The following RMDN2 variants were observed in gnomAD, a reference collection of about 807,000 sequenced individuals.
The protein encoded by RMDN2 is regulator of microtubule dynamics protein 2.
In RMDN2, 61 loss-of-function variants were observed where a neutral mutation model predicts 52.8. The ratio of observed to expected loss-of-function variants is 1.16; its 90% confidence interval spans 0.94 to 1.43. The LOEUF (loss-of-function observed/expected upper bound fraction) is 1.43, where lower values mean the gene tolerates loss of function less well. Ranked by LOEUF, RMDN2 falls within the 40% of genes most tolerant of loss-of-function variation. The pLI is 0.00. For missense variants in RMDN2, 592 were observed against 475.3 expected (o/e 1.25, Z -2.28); for synonymous variants, 180 against 153.1 (o/e 1.18, Z -1.30).
intron 2 of RMDN2, among the ~76,000 whole-genome samples, chr2:37,941,879 A>G (rs1052064052): frequency 4.0e-5 from 6 of 151,164 alleles, no homozygotes; most frequent in Admixed American, 3.3e-4. Context: ...CCCTGGCTTC[A>G]GCCCCCTTTC....
At chr2:37,938,991 G>T (rs556467248) in intron 2 of RMDN2, among the ~76,000 whole-genome samples, 2 of 152,118 alleles carry the variant, frequency 1.3e-5, no homozygotes, top group African/African-American at 2.4e-5. Flanking sequence ...TGGTGTTAGG[G>T]TGTCAATTTT....
chr2:37,927,066 T>C (rs1666340699), intron 1 of RMDN2, among the ~76,000 whole-genome samples: 1 of 152,264 alleles, frequency 6.6e-6, no homozygotes. Flanking sequence ...CACATTTGTT[T>C]TATGCTGTTA....
At chr2:38,061,435 C>G (rs7578953) in intron 10 of RMDN2, among the ~76,000 whole-genome samples, 13,519 of 152,070 alleles carry the variant, frequency 0.089, 764 homozygotes, top group African/African-American at 0.16. Flanking sequence ...GATTTTGTGA[C>G]CATAAAAATC....
chr2:37,981,230 ACCT>A (rs1004265001), intron 4 of RMDN2, 50 bp from the exon 5 acceptor site: 12 of 1,073,184 alleles, frequency 1.1e-5, no homozygotes, highest in Middle Eastern at 2.0e-4. Context: ...TCAATAATCC[ACCT>A]CCTACCAACT....
chr2:37,997,449 G>T lies in RMDN2; in HGVS notation c.979G>T (p.Ala327Ser), dbSNP rs1274858332. Residue 327 changes from alanine (A) to serine (S), a missense_variant, in exon 8 of 11, where the codon GCT becomes TCT. By Grantham distance (99) the Ala-to-Ser change is moderately conservative (BLOSUM62 1). Transcript: ENST00000354545. ...ACTGAGCTGGATTGAGAAAAAAATG[G>T]CTGCTACTCTGTTTGGAAAAATACC... The part of the protein sequence containing the change: ...SKLSWIEKKM[A>S]ATLFGKIPSS... 11 of 1,613,676 alleles carry T rather than the reference G, an allele frequency of 6.8e-6. No individual in the cohort carries two copies. In the South Asian group the frequency reaches 1.2e-4, roughly 18 times the overall value.
downstream of RMDN2, among the ~76,000 whole-genome samples, chr2:38,021,011 A>G (rs1679325499): frequency 6.6e-6 from 1 of 152,112 alleles, no homozygotes; most frequent in Non-Finnish European, 1.5e-5. Context: ...ATGTCTAGCT[A>G]AGGGATTGTA....
intron 10 of RMDN2, among the ~76,000 whole-genome samples, chr2:38,044,736 CT>C (rs1681168071): frequency 6.6e-6 from 1 of 151,964 alleles, no homozygotes; most frequent in Non-Finnish European, 1.5e-5. Flanking sequence ...CTGGCACTTC[CT>C]TTTGATTCTT....
chr2:37,949,769 G>A (rs963950987), intron 2 of RMDN2: 2 of 152,014 alleles, frequency 1.3e-5, no homozygotes, highest in African/African-American at 4.8e-5. Context: ...GTATTTGAGG[G>A]GGTGTTTCAT....
At chr2:37,982,759 C>G (rs962226855) in intron 5 of RMDN2, among the ~76,000 whole-genome samples, 1 of 152,012 alleles carries the variant, frequency 6.6e-6, no homozygotes, top group Non-Finnish European at 1.5e-5. Context: ...AGATCATTTC[C>G]CTAGAACAGA....
In RMDN2 at chr2:37,939,748, A is replaced by G. The variant is rs554988129; in HGVS notation, c.452+10019A>G. The stretch of plus-strand genomic sequence containing the variant: ...TAGCTTTCCATTTGCTTTGTAAATC[A>G]TCTTCCATCCCTTTATTTTGTGCAT... On this transcript the variant is annotated intron_variant, in intron 2 of 10. Coordinates refer to ENST00000354545, the MANE Select transcript of RMDN2 (RefSeq NM_001170791.3). Among the ~76,000 whole-genome samples the G allele has an allele frequency of 3.3e-5, 5 of 152,244 alleles. No homozygotes were observed. In the East Asian group the frequency reaches 9.7e-4, roughly 29 times the overall value.
chr2:38,020,579 G>T (rs983448235), downstream of RMDN2, among the ~76,000 whole-genome samples: 3 of 152,230 alleles, frequency 2.0e-5, no homozygotes, highest in Non-Finnish European at 4.4e-5. Flanking sequence ...CCGGGTGGGC[G>T]TGGGCTTGGC....
At chr2:37,992,637 A>G (rs972866600) in intron 7 of RMDN2, among the ~76,000 whole-genome samples, 1 of 152,318 alleles carries the variant, frequency 6.6e-6, no homozygotes, top group East Asian at 1.9e-4. Context: ...AGTTTTTTGC[A>G]CTTAAAATAA....
In RMDN2 at chr2:37,929,366, TCC is replaced by T; in HGVS notation, c.90_91del (p.Arg31Ter). 3 of 1,550,718 alleles carry T rather than the reference TCC, an allele frequency of 1.9e-6. No individual in the cohort carries two copies. The highest frequency in any genetic ancestry group is 2.6e-6 in the Non-Finnish European group (3 of 1,145,854). ...TTGCTGCTCTTGTGGTACCACAAGG[TCC>T]GTAAACCAGGGATAGCAATGAAGTT... On this transcript the variant is annotated frameshift_variant, in exon 2 of 11. Transcript: ENST00000354545. LOFTEE classifies it high-confidence loss of function.
intron 2 of RMDN2, among the ~76,000 whole-genome samples, chr2:37,932,651 G>A (rs1264754168): frequency 1.3e-5 from 2 of 150,652 alleles, no homozygotes; most frequent in African/African-American, 4.9e-5. Flanking sequence ...GGGCAGAGGC[G>A]CCCCTCACCT....
In RMDN2 at chr2:37,925,305, C is replaced by G. The variant is rs1309005297; in HGVS notation, c.-137C>G. The stretch of plus-strand genomic sequence containing the variant: ...CTCCGCTATCTGGGTCAGGACGCGA[C>G]GGCCGCGGCGCGGGACCTTAGGACC... On this transcript the variant is annotated 5_prime_UTR_variant, in exon 1 of 11. Transcript: ENST00000354545. 6.6e-6 allele frequency: 1 copy of G among 152,246 alleles called. No homozygotes were observed. Among genetic ancestry groups the G allele is most frequent in the Non-Finnish European group, 1.5e-5 (1 of 68,100 alleles). 9.4% of individuals were successfully genotyped at this position (152,246 alleles called of 1,614,324 possible).
rs1439174004 is a variant in RMDN2, at chr2:37,932,907, C to G, written c.452+3178C>G. On this transcript the variant is annotated intron_variant, in intron 2 of 10. Transcript: ENST00000354545. ...CTCCCGGACGGGGCGGCTGGCCGGG[C>G]GGGGGGCTGACCCCCCCACCTCCCT... Among the ~76,000 whole-genome samples, 810 of 146,680 alleles carry G rather than the reference C, an allele frequency of 5.5e-3. 8 individuals are homozygous for G. Among genetic ancestry groups the G allele is most frequent in the African/African-American group, 0.019 (750 of 39,422 alleles).
chr2:38,002,821 A>G (rs946404221), intron 8 of RMDN2: 6 of 152,238 alleles, frequency 3.9e-5, no homozygotes, highest in Non-Finnish European at 8.8e-5. Context: ...AAACAAGGAT[A>G]TTTTTGTAAA....
At position 37,989,563 on chromosome 2, in the gene RMDN2, GT is replaced by G. The variant is rs1422889584; in HGVS notation, c.815del (p.Val272AspfsTer21). ...HLWYAVLCGY[V>X]SEFEGLQNKI... ...CAGGTATGCAGTTTTGTGTGGCTAT[GT>G]ATCTGAGTTTGAGGGTTTACAAAAC... On this transcript the variant is annotated frameshift_variant, in exon 6 of 11. Coordinates refer to ENST00000354545, the MANE Select transcript of RMDN2 (RefSeq NM_001170791.3). LOFTEE classifies it high-confidence loss of function. The G allele has an allele frequency of 1.2e-6, 2 of 1,610,934 alleles. No individual in the cohort carries two copies. The highest frequency in any genetic ancestry group is 2.7e-5 in the African/African-American group (2 of 74,474).
intron 2 of RMDN2, among the ~76,000 whole-genome samples, chr2:37,967,583 C>G (rs539292872): frequency 6.6e-6 from 1 of 152,340 alleles, no homozygotes; most frequent in South Asian, 2.1e-4. Flanking sequence ...ATGATGACAT[C>G]TACTTATTAT....
Sources: allele counts gnomAD v4.1 joint callset (sites outside exome capture counted in the v4.1 genomes callset), GRCh38; gene constraint gnomAD v4.1.1; transcripts MANE v1.5; gene names NCBI Gene and HGNC (gene_info 2026-07-23, HGNC 2026-07-21).